Variants in CLPB observed in about 807,000 individuals in gnomAD.
CLPB encodes the protein ClpB family mitochondrial disaggregase.
A neutral mutation model predicts 78.4 loss-of-function variants in CLPB; 40 were observed. The observed-to-expected ratio is 0.51, with a 90% CI of 0.40 to 0.66. The LOEUF (loss-of-function observed/expected upper bound fraction) is 0.66, where lower values mean the gene tolerates loss of function less well. CLPB is among the 30% of genes least tolerant of loss of function. CLPB has a pLI of 0.00. For synonymous variants in CLPB, 333 were observed against 348.0 expected, an observed-to-expected ratio of 0.96 and a Z score of 0.48; for missense variants, 780 against 886.9, an observed-to-expected ratio of 0.88 and a Z score of 1.53.
At chr11:72,344,881 T>C (rs757045416) in intron 5 of CLPB, among the ~76,000 whole-genome samples, 23 of 152,066 alleles carry the variant, frequency 1.5e-4, no homozygotes, top group African/African-American at 3.4e-4. Context: ...AAGACACAAA[T>C]AGACAATTCA....
At chr11:72,329,858 A>C in intron 5 of CLPB, 54 bp from the exon 6 acceptor site, 1 of 1,407,234 alleles carries the variant, frequency 7.1e-7, no homozygotes, top group Non-Finnish European at 1.0e-6. Flanking sequence ...GTGGGACCTC[A>C]GCCTTCCCTT....
Position 72,289,800 on chromosome 11 carries a change from C to T in CLPB, c.*3567G>A, listed in dbSNP as rs772630545. The T allele has an allele frequency of 6.6e-6, 1 of 152,174 alleles. No homozygotes were observed. Among genetic ancestry groups the T allele is most frequent in the Non-Finnish European group, 1.5e-5 (1 of 68,052 alleles). The allele number at this position is 152,174 out of a possible 1,614,324, so 9.4% of individuals were successfully genotyped here. A position where few individuals can be genotyped will look rare whatever the true frequency, so the allele number is the denominator to read the frequency against. On this transcript the variant is annotated 3_prime_UTR_variant, in exon 16 of 16. Transcript: ENST00000538039. ...CTATGATGCGCAGGCTGGTCTTGAA[C>T]TCCTGGGCTCAAGTGATCCTCCCAC...
At chr11:72,368,207 G>C (rs1590855677) in intron 4 of CLPB, among the ~76,000 whole-genome samples, 1 of 152,128 alleles carries the variant, frequency 6.6e-6, no homozygotes, top group Non-Finnish European at 1.5e-5. Context: ...CCAAGACTAA[G>C]AGTTTTCCTC....
chr11:72,350,902 G>C (rs1339651324), intron 5 of CLPB, among the ~76,000 whole-genome samples: 2 of 152,044 alleles, frequency 1.3e-5, no homozygotes. Context: ...GAGGTTTCTC[G>C]TATACTTAGA....
chr11:72,317,341 T>A, intron 6 of CLPB, 121 bp from the exon 7 acceptor site: 1 of 677,836 alleles, frequency 1.5e-6, no homozygotes, highest in Non-Finnish European at 2.4e-6. Flanking sequence ...TTCATAGCTG[T>A]GGTTCATGGT....
intron 4 of CLPB, among the ~76,000 whole-genome samples, chr11:72,371,003 C>T (rs1216644693): frequency 2.6e-5 from 4 of 152,138 alleles, no homozygotes; most frequent in Non-Finnish European, 4.4e-5. Context: ...TGTGTGCCTG[C>T]TTCACCCTAA....
intron 4 of CLPB, among the ~76,000 whole-genome samples, chr11:72,366,193 G>A (rs1950938699): frequency 6.6e-6 from 1 of 151,768 alleles, no homozygotes; most frequent in Non-Finnish European, 1.5e-5. Flanking sequence ...GAATCTATAA[G>A]GAACTTATGT....
At chr11:72,392,853 C>T (rs1565481707) in intron 3 of CLPB, among the ~76,000 whole-genome samples, 3 of 152,196 alleles carry the variant, frequency 2.0e-5, no homozygotes, top group Admixed American at 6.5e-5. Context: ...CCCTAAACCA[C>T]GTTGGCTCTC....
At chr11:72,296,462 A>C (rs1361468264) in intron 11 of CLPB, among the ~76,000 whole-genome samples, 1 of 152,210 alleles carries the variant, frequency 6.6e-6, no homozygotes, top group Non-Finnish European at 1.5e-5. Flanking sequence ...TAGGGCAGAG[A>C]CAGAAGAATG....
rs150458787 is a variant in CLPB at position 72,397,548 on chromosome 11, C to G, written c.542+5418G>C. Among the ~76,000 whole-genome samples the G allele has an allele frequency of 2.6e-5, 4 of 152,164 alleles. No individual in the cohort carries two copies. In the East Asian group the frequency reaches 7.7e-4, roughly 29 times the overall value. ...TCAGCCCTTAGTATTGTCAGTTTTCCTAAATTTTAGCTACTGTAGCAGGTA... is the reference window on the plus strand; with the variant it reads ...TCAGCCCTTAGTATTGTCAGTTTTCGTAAATTTTAGCTACTGTAGCAGGTA... On this transcript the variant is annotated intron_variant, in intron 3 of 15. Coordinates refer to ENST00000538039, the MANE Select transcript of CLPB (RefSeq NM_001258392.3).
chr11:72,367,164 CTAT>C (rs978292541), intron 4 of CLPB, among the ~76,000 whole-genome samples: 9 of 152,094 alleles, frequency 5.9e-5, no homozygotes, highest in Middle Eastern at 3.4e-3. Flanking sequence ...TTCTCACTTA[CTAT>C]TATTATTATT....
intron 5 of CLPB, among the ~76,000 whole-genome samples, chr11:72,331,048 A>T (rs1209638099): frequency 6.6e-6 from 1 of 152,130 alleles, no homozygotes; most frequent in Non-Finnish European, 1.5e-5. Context: ...GCAAGTCTCT[A>T]CTTTAAAAAT....
chr11:72,399,666 G>A (rs903498602), intron 3 of CLPB, among the ~76,000 whole-genome samples: 2 of 152,110 alleles, frequency 1.3e-5, no homozygotes, highest in African/African-American at 4.8e-5. Flanking sequence ...GAAATGATTG[G>A]GCTACTCCGA....
chr11:72,328,217 A>G (rs539805213), intron 6 of CLPB, among the ~76,000 whole-genome samples: 2 of 152,352 alleles, frequency 1.3e-5, no homozygotes, highest in South Asian at 2.1e-4. Flanking sequence ...GCAACATTCC[A>G]GTGGGTGGCT....
intron 1 of CLPB, 36 bp downstream of exon 1, chr11:72,434,036 G>C: frequency 1.3e-5 from 20 of 1,596,850 alleles, no homozygotes; most frequent in Non-Finnish European, 1.6e-5. Context: ...CAATCTTCCC[G>C]CCTCTCCCTT....
chr11:72,330,098 A>G (rs1010194996), intron 5 of CLPB, among the ~76,000 whole-genome samples: 1 of 152,238 alleles, frequency 6.6e-6, no homozygotes, highest in African/African-American at 2.4e-5. Flanking sequence ...ACATGTAAAC[A>G]TACAATTTCA....
At position 72,395,335 on chromosome 11, in the gene CLPB, C is replaced by T. The variant is rs1349574402; in HGVS notation, c.542+7631G>A. Among the ~76,000 whole-genome samples the T allele has an allele frequency of 2.0e-5, 3 of 152,162 alleles. No individual in the cohort carries two copies. In the East Asian group the frequency reaches 5.8e-4, roughly 29 times the overall value. On this transcript the variant is annotated intron_variant, in intron 3 of 15. Transcript: ENST00000538039. ...CTTGACTCCTGGTTCCAGCATCCTT[C>T]GGTCCATCCCATGGCCTTGCTCCCG...
chr11:72,342,626 G>C (rs1284041134), intron 5 of CLPB, among the ~76,000 whole-genome samples: 3 of 152,144 alleles, frequency 2.0e-5, no homozygotes, highest in Non-Finnish European at 2.9e-5. Flanking sequence ...CTGTCAGTGG[G>C]GAGGGAAAGG....
intron 5 of CLPB, chr11:72,354,304 G>C: frequency 2.5e-6 from 1 of 394,122 alleles, no homozygotes; most frequent in Non-Finnish European, 4.5e-6. Flanking sequence ...TATATAGCTA[G>C]TACCATTTTA....
Sources: allele counts gnomAD v4.1 joint callset (sites outside exome capture counted in the v4.1 genomes callset), GRCh38; gene constraint gnomAD v4.1.1; transcripts MANE v1.5; gene names NCBI Gene and HGNC (gene_info 2026-07-23, HGNC 2026-07-21).